Variants in SH3PXD2B observed in about 807,000 individuals in gnomAD.
SH3PXD2B encodes SH3 and PX domain-containing protein 2B.
SH3PXD2B carries 37 observed loss-of-function variants against 73.1 expected under a neutral mutation model. The observed-to-expected ratio is 0.51, with a 90% CI of 0.39 to 0.67. SH3PXD2B has a LOEUF of 0.67. Among genes scored for constraint, SH3PXD2B ranks in the 30% least tolerant of loss-of-function variants. SH3PXD2B has a pLI of 0.00. For synonymous variants in SH3PXD2B, 457 were observed against 480.5 expected (o/e 0.95, Z 0.64); for missense variants, 1,053 against 1,197.8 (o/e 0.88, Z 1.78).
rs34377327 is a variant in SH3PXD2B at position 172,408,534 on chromosome 5, C to CTTTTTTTTTTTT, written c.157-2194_157-2183dup. On this transcript the variant is annotated intron_variant, in intron 2 of 12. Coordinates refer to ENST00000311601, the MANE Select transcript of SH3PXD2B (RefSeq NM_001017995.3). ...TTCTTTTGTGTGCTTTGGGTTATCACTTTTTTTTTTTTTTTTTTTTTGAGA... is the reference window on the plus strand; with the variant it reads ...TTCTTTTGTGTGCTTTGGGTTATCACTTTTTTTTTTTTTTTTTTTTTTTTTTTTTTTTTGAGA... Among the ~76,000 whole-genome samples, 38 of 92,668 alleles carry CTTTTTTTTTTTT rather than the reference C, an allele frequency of 4.1e-4. 1 individual carries two copies. The highest frequency in any genetic ancestry group is 1.1e-3 in the African/African-American group (23 of 20,032). 60.8% of individuals were successfully genotyped at this position (92,668 alleles called of 152,430 possible).
chr5:172,373,908 A>AC (rs1217259183), intron 5 of SH3PXD2B, 93 bp from the exon 6 acceptor site: 10 of 1,340,662 alleles, frequency 7.5e-6, no homozygotes, highest in African/African-American at 5.8e-5. Context: ...GAGATTCTCC[A>AC]CCCCCCACAA....
intron 2 of SH3PXD2B, among the ~76,000 whole-genome samples, chr5:172,409,107 C>T (rs561251170): frequency 1.3e-5 from 2 of 152,222 alleles, no homozygotes; most frequent in South Asian, 2.1e-4. Flanking sequence ...ACTGGCCAGG[C>T]GCGGTGGCTC....
intron 8 of SH3PXD2B, 67 bp from the exon 9 acceptor site, chr5:172,354,072 G>A (rs556081044): frequency 1.1e-5 from 16 of 1,438,214 alleles, no homozygotes; most frequent in South Asian, 3.4e-5. Context: ...CGTAATCCCC[G>A]TGATGCCCTT....
At position 172,348,683 on chromosome 5, in the gene SH3PXD2B, CTAT is replaced by C. The variant is rs1210801705; in HGVS notation, c.1013-1354_1013-1352del. Reference sequence around the variant, plus strand: ...TCTATCTATCTATCTATCTATCTATCTATCTATCTATCTATCTATCTATCTATT... The same window carrying C: ...TCTATCTATCTATCTATCTATCTATCCTATCTATCTATCTATCTATCTATT... On this transcript the variant is annotated intron_variant, in intron 10 of 12. Coordinates refer to ENST00000311601, the MANE Select transcript of SH3PXD2B (RefSeq NM_001017995.3). Among the ~76,000 whole-genome samples the C allele has an allele frequency of 3.1e-3, 134 of 43,168 alleles. 2 individuals are homozygous for C. The South Asian group carries it at 0.043, about 14-fold the overall frequency. 28.3% of individuals were successfully genotyped at this position (43,168 alleles called of 152,430 possible). A position where few individuals can be genotyped will look rare whatever the true frequency, so the allele number is the denominator to read the frequency against.
chr5:172,365,934 T>G lies in SH3PXD2B; in HGVS notation c.428-3065A>C, dbSNP rs574195997. Among the ~76,000 whole-genome samples the G allele has an allele frequency of 1.3e-4, 20 of 152,294 alleles. No individual in the cohort carries two copies. The South Asian group carries it at 4.1e-3, about 32-fold the overall frequency. On this transcript the variant is annotated intron_variant, in intron 6 of 12. Coordinates refer to ENST00000311601, the MANE Select transcript of SH3PXD2B (RefSeq NM_001017995.3). ...GCCCGAGGGCTCAAAACCCCAGGAT[T>G]GCAGTTTCCCTTCTGTCTGGGCCCT...
chr5:172,356,095 C>T (rs1013799662), intron 8 of SH3PXD2B, among the ~76,000 whole-genome samples: 5 of 152,076 alleles, frequency 3.3e-5, no homozygotes, highest in East Asian at 1.9e-4. Context: ...TTGCAACTCC[C>T]GCCCACCGTG....
intron 12 of SH3PXD2B, among the ~76,000 whole-genome samples, chr5:172,342,693 A>C (rs1304963996): frequency 6.6e-6 from 1 of 152,116 alleles, no homozygotes; most frequent in Admixed American, 6.5e-5. Flanking sequence ...CCTGGGAGGC[A>C]GAGGTTGCAG....
chr5:172,350,244 C>G lies in SH3PXD2B; in HGVS notation c.1012+119G>C, dbSNP rs967688261. The G allele has an allele frequency of 4.1e-6, 4 of 968,742 alleles. No individual in the cohort carries two copies. The African/African-American group carries it at 4.9e-5, about 12-fold the overall frequency. 60.0% of individuals were successfully genotyped at this position (968,742 alleles called of 1,614,324 possible). A position where few individuals can be genotyped will look rare whatever the true frequency, so the allele number is the denominator to read the frequency against. On this transcript the variant is annotated intron_variant, in intron 10 of 12. Transcript: ENST00000311601. ...GGTTTCTGGGCCTCTGTTTTCTTAT[C>G]TGGAGGATGGGGGAGCAGCTGGGCT...
chr5:172,339,197 C>T lies in SH3PXD2B; in HGVS notation c.1908G>A (p.Leu636=), dbSNP rs1238370310. 2 of 1,614,094 alleles carry T rather than the reference C, an allele frequency of 1.2e-6. No individual in the cohort carries two copies. The highest frequency in any genetic ancestry group is 2.2e-5 in the East Asian group (1 of 44,888). The change falls in exon 13 of 13, where the codon TTG becomes TTA. Residue 636 remains leucine (L), a synonymous_variant. Transcript: ENST00000311601. This position sits in a 1 kb window ranked among gnomAD's most constrained non-coding sequence, Gnocchi z 6.1. ...TTGGCCTAACCTGAGGTCTGGACTT[C>T]AAGAAGGGATTCTGGGGAGTGGCAT... ...KPDATPQNPF[L]KSRPQVRPKP...
At chr5:172,407,476 G>C (rs1758587546) in intron 2 of SH3PXD2B, among the ~76,000 whole-genome samples, 1 of 152,224 alleles carries the variant, frequency 6.6e-6, no homozygotes, top group African/African-American at 2.4e-5. Context: ...TGGCCTGAGT[G>C]AGCTATGCCA....
At chr5:172,367,455 T>A (rs1757556048) in intron 6 of SH3PXD2B, among the ~76,000 whole-genome samples, 1 of 150,644 alleles carries the variant, frequency 6.6e-6, no homozygotes, top group African/African-American at 2.4e-5. Context: ...CTTGAACTCC[T>A]GGGCTCAACC....
At chr5:172,329,339 C>T (rs1467452505), downstream of SH3PXD2B, among the ~76,000 whole-genome samples, 2 of 150,928 alleles carry the variant, frequency 1.3e-5, no homozygotes, top group African/African-American at 4.9e-5. Flanking sequence ...TCACCTCAGC[C>T]TCCCAAAGTA....
rs143482443 is a variant in SH3PXD2B, at chr5:172,337,526, C to T, written c.*843G>A. Reference sequence around the variant, plus strand: ...CAGCAAAGGGGTGCTCACAAGGGCACGACTTGTGAATGGGCCTCTTATTCA... The same window carrying T: ...CAGCAAAGGGGTGCTCACAAGGGCATGACTTGTGAATGGGCCTCTTATTCA... On this transcript the variant is annotated 3_prime_UTR_variant, in exon 13 of 13. Transcript: ENST00000311601. 1.4e-3 allele frequency: 1,390 copies of T among 985,528 alleles called. 5 individuals are homozygous for T. The highest frequency in any genetic ancestry group is 2.1e-3 in the Middle Eastern group (4 of 1,914). 61.0% of individuals were successfully genotyped at this position (985,528 alleles called of 1,614,324 possible). A position where few individuals can be genotyped will look rare whatever the true frequency, so the allele number is the denominator to read the frequency against.
At chr5:172,373,721 GCA>G (rs1285555480) in intron 6 of SH3PXD2B, 67 bp downstream of exon 6, 2 of 1,513,786 alleles carry the variant, frequency 1.3e-6, no homozygotes, top group Non-Finnish European at 1.8e-6. Context: ...AGAGCCTGGT[GCA>G]CAGTTGGTGC....
chr5:172,409,066 T>G (rs1000622370), intron 2 of SH3PXD2B, among the ~76,000 whole-genome samples: 2 of 152,140 alleles, frequency 1.3e-5, no homozygotes. Context: ...TTGTTAACTA[T>G]AGTCATCCCA....
At chr5:172,360,509 A>G (rs1428668114) in intron 7 of SH3PXD2B, among the ~76,000 whole-genome samples, 4 of 152,204 alleles carry the variant, frequency 2.6e-5, no homozygotes, top group Non-Finnish European at 4.4e-5. Context: ...TTGGAAGCAG[A>G]CAAGTTGGTG....
In SH3PXD2B at chr5:172,339,488, C is replaced by G. The variant is rs1400339551; in HGVS notation, c.1617G>C (p.Arg539=). ...IIKSEGELLE[R]ERERQRTEQL... ...GCTCCGTCCTCTGCCGCTCCCGCTC[C>G]CGCTCCAGCAGCTCCCCCTCCGACT... The change falls in exon 13 of 13, where the codon CGG becomes CGC. Residue 539 remains arginine (R), a synonymous_variant. Coordinates refer to ENST00000311601, the MANE Select transcript of SH3PXD2B (RefSeq NM_001017995.3). The surrounding 1 kb of genome is among the most constrained non-coding windows in gnomAD (Gnocchi z 6.1). The G allele has an allele frequency of 6.2e-7, 1 of 1,613,942 alleles. No individual in the cohort carries two copies. The highest frequency in any genetic ancestry group is 1.7e-5 in the Admixed American group (1 of 60,034).
intron 8 of SH3PXD2B, among the ~76,000 whole-genome samples, chr5:172,355,420 G>C (rs1164371144): frequency 6.6e-6 from 1 of 152,234 alleles, no homozygotes; most frequent in African/African-American, 2.4e-5. Context: ...CAGATGCACA[G>C]AAGTTCTGTT....
intron 12 of SH3PXD2B, among the ~76,000 whole-genome samples, chr5:172,342,973 G>A (rs1390823008): frequency 6.6e-6 from 1 of 152,224 alleles, no homozygotes; most frequent in Admixed American, 6.5e-5. Context: ...CCTGGGGCAA[G>A]CCACGTGCCT....
Sources: allele counts gnomAD v4.1 joint callset (sites outside exome capture counted in the v4.1 genomes callset), GRCh38; gene constraint gnomAD v4.1.1; non-coding constraint Gnocchi (gnomAD v3.1); transcripts MANE v1.5; gene names NCBI Gene and HGNC (gene_info 2026-07-23, HGNC 2026-07-21).